VGLL4: variants seen among roughly 807,000 people sequenced by gnomAD.
VGLL4 encodes transcription cofactor vestigial-like protein 4.
Under a neutral mutation model 21.0 loss-of-function variants are expected in VGLL4, and 7 were observed. The observed-to-expected ratio is 0.33, with a 90% CI of 0.19 to 0.63. The LOEUF is 0.63. Ranked by LOEUF, VGLL4 falls within the 20% of genes least tolerant of loss-of-function variation. VGLL4 has a pLI of 0.78. For synonymous variants in VGLL4, 222 were observed against 173.2 expected (o/e 1.28, Z -2.21); for missense variants, 394 against 425.7 (o/e 0.93, Z 0.66).
rs887715417 is a variant in VGLL4 at position 11,558,224 on chromosome 3, TTG to T, written c.*330_*331del. ...GTCTGAGTCACCAATTCATCATGGC[TTG>T]TGACTGAGAAAGCGCTGTGGAGTCC... On this transcript the variant is annotated 3_prime_UTR_variant, in exon 5 of 5. Transcript: ENST00000430365. 7.6e-6 allele frequency: 3 copies of T among 393,846 alleles called. No homozygotes were observed. The highest frequency in any genetic ancestry group is 6.0e-5 in the African/African-American group (3 of 50,112). The allele number at this position is 393,846 out of a possible 1,614,324, so 24.4% of individuals were successfully genotyped here.
intron 2 of VGLL4, among the ~76,000 whole-genome samples, chr3:11,581,696 T>C (rs2074232462): frequency 6.6e-6 from 1 of 152,226 alleles, no homozygotes; most frequent in Admixed American, 6.5e-5. Flanking sequence ...ACAATTTCCA[T>C]GGAGAGAAGT....
chr3:11,631,289 T>C (rs1306060270), intron 1 of VGLL4, among the ~76,000 whole-genome samples: 3 of 152,030 alleles, frequency 2.0e-5, no homozygotes, highest in African/African-American at 7.2e-5. Flanking sequence ...TCAGCCCCAA[T>C]CAAAAAGACT....
At chr3:11,629,135 T>C (rs573914954) in intron 1 of VGLL4, among the ~76,000 whole-genome samples, 10 of 152,172 alleles carry the variant, frequency 6.6e-5, no homozygotes, top group Non-Finnish European at 1.5e-4. Flanking sequence ...ATTCAGAATA[T>C]AAAATTTTAA....
intron 1 of VGLL4, among the ~76,000 whole-genome samples, chr3:11,705,920 C>CAA (rs11335186): frequency 3.0e-5 from 4 of 131,406 alleles, no homozygotes; most frequent in Admixed American, 7.4e-5. Context: ...GACTCCGTCT[C>CAA]AAAAAAAAAA....
At chr3:11,635,688 T>C (rs532956099) in intron 1 of VGLL4, among the ~76,000 whole-genome samples, 1 of 152,304 alleles carries the variant, frequency 6.6e-6, no homozygotes, top group South Asian at 2.1e-4. Flanking sequence ...ATGAAGCCTC[T>C]AATAGAAAAA....
rs141031859 is a variant in VGLL4 at position 11,586,152 on chromosome 3, G to A, written c.272+15681C>T. 5.4e-3 allele frequency among the ~76,000 whole-genome samples: 825 copies of A among 152,304 alleles called. 20 individuals are homozygous for A. The highest frequency in any genetic ancestry group is 0.043 in the East Asian group (222 of 5,182). On this transcript the variant is annotated intron_variant, in intron 2 of 4. Coordinates refer to ENST00000430365, the MANE Select transcript of VGLL4 (RefSeq NM_001128219.3). ...TTTTTAAAAAATCTTAAAGTATAAA[G>A]GGCATTACTGAATATGAAAAGATGA...
In VGLL4 at chr3:11,559,348, G is replaced by A. The variant is rs375378835; in HGVS notation, c.603C>T (p.Tyr201=). ...GACACTCACCGCTCGGTGGCCTCCG[G>A]TAGCTGGCAGGCCCGGGCGCGGCAC... is the stretch of plus-strand genomic sequence containing the variant. ...SGCAAPGPAS[Y]RRPPSAATTC... Residue 201 remains tyrosine (Y), a synonymous_variant, in exon 4 of 5, where the codon TAC becomes TAT. Coordinates refer to ENST00000430365, the MANE Select transcript of VGLL4 (RefSeq NM_001128219.3). 2 of 1,548,124 alleles carry A rather than the reference G, an allele frequency of 1.3e-6. No individual in the cohort carries two copies. The highest frequency in any genetic ancestry group is 2.4e-5 in the East Asian group (1 of 41,108).
chr3:11,572,089 C>CA (rs1455098749), intron 2 of VGLL4, among the ~76,000 whole-genome samples: 1 of 152,118 alleles, frequency 6.6e-6, no homozygotes, highest in East Asian at 1.9e-4. Context: ...GCCTGAGTGA[C>CA]AGAGTGAGAC....
chr3:11,715,134 C>CA (rs755588824), intron 1 of VGLL4, among the ~76,000 whole-genome samples: 789 of 54,432 alleles, frequency 0.014, 3 homozygotes, highest in Middle Eastern at 0.044. Context: ...GACTCCGTCT[C>CA]AAAAAAAAAA....
intron 2 of VGLL4, among the ~76,000 whole-genome samples, chr3:11,597,407 G>A (rs888116369): frequency 4.6e-5 from 7 of 152,066 alleles, no homozygotes; most frequent in Non-Finnish European, 1.0e-4. Context: ...GTATTTCTCA[G>A]GGTCACCGTA....
chr3:11,568,710 A>G lies in VGLL4; in HGVS notation c.273-3691T>C. The G allele has an allele frequency of 6.5e-7, 1 of 1,548,550 alleles. No homozygotes were observed. The highest frequency in any genetic ancestry group is 2.4e-5 in the East Asian group (1 of 40,898). ...TCCCGGCCACTGCTTCCCAGGCGTC[A>G]TGTGCTCCCGGGGACGGCAGAAAAC... On this transcript the variant is annotated intron_variant, in intron 2 of 4. Coordinates refer to ENST00000430365, the MANE Select transcript of VGLL4 (RefSeq NM_001128219.3). This position sits in a 1 kb window ranked among gnomAD's most constrained non-coding sequence, Gnocchi z 5.9.
chr3:11,638,720 C>T (rs991356108), intron 1 of VGLL4, among the ~76,000 whole-genome samples: 2 of 152,126 alleles, frequency 1.3e-5, no homozygotes, highest in Non-Finnish European at 2.9e-5. Context: ...TACGAAATGG[C>T]CCTGCGCTGT....
At chr3:11,602,539 G>A (rs1022006050) in intron 1 of VGLL4, among the ~76,000 whole-genome samples, 5 of 151,986 alleles carry the variant, frequency 3.3e-5, no homozygotes, top group African/African-American at 4.8e-5. Flanking sequence ...TGTACCGAAA[G>A]TTAAAAGAAA....
chr3:11,711,568 T>A (rs1486272157), intron 1 of VGLL4, among the ~76,000 whole-genome samples: 1 of 150,556 alleles, frequency 6.6e-6, no homozygotes, highest in Non-Finnish European at 1.5e-5. Context: ...AAAAAAAAAA[T>A]TAGCCAGGTA....
rs2125132754 is a variant in VGLL4, at chr3:11,565,135, T to C, written c.273-116A>G. 9.3e-7 allele frequency: 1 copy of C among 1,075,000 alleles called. No homozygotes were observed. The highest frequency in any genetic ancestry group is 2.4e-5 in the South Asian group (1 of 42,208). 66.6% of individuals were successfully genotyped at this position (1,075,000 alleles called of 1,614,324 possible). ...ATTTTTTACCCTGAAGCTCAGGTCG[T>C]GTGGCTGGGCAGCACGATGAGGAGC... On this transcript the variant is annotated intron_variant, in intron 2 of 4. Coordinates refer to ENST00000430365, the MANE Select transcript of VGLL4 (RefSeq NM_001128219.3). The surrounding 1 kb of genome is among the most constrained non-coding windows in gnomAD (Gnocchi z 4.1).
chr3:11,693,087 T>C (rs774857402), intron 2 of VGLL4: 25 of 206,792 alleles, frequency 1.2e-4, no homozygotes, highest in Non-Finnish European at 1.9e-4. Flanking sequence ...GGAGGATCAC[T>C]TGAGCCCCAG....
chr3:11,585,376 T>C (rs747538677), intron 2 of VGLL4, among the ~76,000 whole-genome samples: 2 of 150,602 alleles, frequency 1.3e-5, no homozygotes, highest in African/African-American at 2.5e-5. Flanking sequence ...GAGGTTGCAG[T>C]GCACCGAGAT....
At chr3:11,683,331 G>C (rs936936187) in intron 2 of VGLL4, among the ~76,000 whole-genome samples, 4 of 152,174 alleles carry the variant, frequency 2.6e-5, no homozygotes, top group Non-Finnish European at 5.9e-5. Flanking sequence ...AATACTACTG[G>C]TGGGATAATA....
chr3:11,681,263 A>G (rs1288228117), intron 2 of VGLL4, among the ~76,000 whole-genome samples: 7 of 152,170 alleles, frequency 4.6e-5, no homozygotes, highest in Non-Finnish European at 8.8e-5. Flanking sequence ...ACGCCCGGCT[A>G]ATTTTTTGTA....
Sources: gnomAD v4.1 joint callset for allele counts (sites outside exome capture counted in the v4.1 genomes callset) on GRCh38, gnomAD v4.1.1 for gene constraint, Gnocchi (gnomAD v3.1) non-coding constraint, MANE v1.5 for transcripts, NCBI Gene and HGNC (gene_info 2026-07-23, HGNC 2026-07-21) for gene names.